CORO7: variants seen among roughly 807,000 people sequenced by gnomAD.
CORO7 encodes coronin-7.
In CORO7, 107 loss-of-function variants were observed where a neutral mutation model predicts 126.6. The observed-to-expected ratio is 0.85, with a 90% CI of 0.72 to 0.99. CORO7 has a LOEUF of 0.99. Ranked by LOEUF, CORO7 falls within the 50% of genes least tolerant of loss-of-function variation. CORO7 has a pLI of 0.00. For missense variants in CORO7, 1,314 were observed against 1,255.8 expected, an observed-to-expected ratio of 1.05 and a Z score of -0.70; for synonymous variants, 603 against 536.8, an observed-to-expected ratio of 1.12 and a Z score of -1.70.
At chr16:4,376,749 T>C (rs1385765175) in intron 9 of CORO7, among the ~76,000 whole-genome samples, 2 of 152,132 alleles carry the variant, frequency 1.3e-5, no homozygotes, top group Non-Finnish European at 2.9e-5. Context: ...TGAAGTCCTG[T>C]GCTGAAGGGG....
At chr16:4,364,495 G>C in intron 13 of CORO7, 82 bp from the exon 14 acceptor site, 1 of 1,489,088 alleles carries the variant, frequency 6.7e-7, no homozygotes, top group Non-Finnish European at 9.0e-7. Context: ...AACTGGGTAG[G>C]GATGGGGGGC....
At chr16:4,402,039 A>T (rs763450119) in intron 6 of CORO7, among the ~76,000 whole-genome samples, 1 of 151,182 alleles carries the variant, frequency 6.6e-6, no homozygotes, top group Non-Finnish European at 1.5e-5. Flanking sequence ...CCCAGGTTCA[A>T]GTTATTCTCT....
At chr16:4,379,423 T>G (rs938388662) in intron 9 of CORO7, among the ~76,000 whole-genome samples, 1 of 152,040 alleles carries the variant, frequency 6.6e-6, no homozygotes, top group African/African-American at 2.4e-5. Context: ...AGCTAAGATC[T>G]GGAGCCTGGA....
intron 8 of CORO7, 70 bp downstream of exon 8, chr16:4,388,475 C>T (rs1029318269): frequency 3.1e-5 from 48 of 1,536,110 alleles, no homozygotes; most frequent in African/African-American, 2.2e-4. Flanking sequence ...CCATTGGTTT[C>T]GTCCCCGCCC....
At chr16:4,398,185 G>A (rs1370188684) in intron 6 of CORO7, among the ~76,000 whole-genome samples, 1 of 152,094 alleles carries the variant, frequency 6.6e-6, no homozygotes, top group Non-Finnish European at 1.5e-5. Context: ...CTCCCAAAGT[G>A]CTGGGATTAC....
intron 23 of CORO7, 72 bp from the exon 24 acceptor site, chr16:4,358,555 G>T: frequency 1.4e-6 from 2 of 1,446,424 alleles, no homozygotes; most frequent in Non-Finnish European, 9.2e-7. Context: ...TCTCCCCAGG[G>T]TGCCGGCACC....
intron 11 of CORO7, 41 bp from the exon 12 acceptor site, chr16:4,364,961 G>C: frequency 6.2e-7 from 1 of 1,606,014 alleles, no homozygotes; most frequent in Non-Finnish European, 8.5e-7. Flanking sequence ...GATGGGCAGG[G>C]GAGGGGAGGG....
At chr16:4,413,028 A>C in intron 2 of CORO7, 10 of 362,610 alleles carry the variant, frequency 2.8e-5, no homozygotes, top group East Asian at 9.5e-5. Context: ...GCACAGAGGG[A>C]CAGCTGGAAA....
chr16:4,405,816 GGCT>G (rs879572436), intron 5 of CORO7, among the ~76,000 whole-genome samples: 3,585 of 152,222 alleles, frequency 0.024, 67 homozygotes, highest in Non-Finnish European at 0.034. Flanking sequence ...CTCCTGGCCT[GGCT>G]CTCTCATCCC....
intron 27 of CORO7, 43 bp from the exon 28 acceptor site, chr16:4,355,206 T>TG: frequency 6.3e-7 from 1 of 1,581,384 alleles, no homozygotes; most frequent in Non-Finnish European, 8.6e-7. Context: ...CAGGAGGGCC[T>TG]GGGAAGGGAG....
chr16:4,362,067 C>G lies in CORO7; in HGVS notation c.1496G>C (p.Gly499Ala). The part of the protein sequence containing the change: ...NLKGLNLTTP[G>A]ESDGFCANKL... ...GTTGGCACAGAAGCCGTCACTCTCACCAGGTGTGGTGAGGTTGAGCCCCTT... is the reference window on the plus strand; with the variant it reads ...GTTGGCACAGAAGCCGTCACTCTCAGCAGGTGTGGTGAGGTTGAGCCCCTT... The change falls in exon 16 of 28, where the codon GGT (glycine) becomes GCT (alanine). Residue 499 changes from glycine to alanine, a missense_variant. Transcript: ENST00000251166. This position sits in a 1 kb window ranked among gnomAD's most constrained non-coding sequence, Gnocchi z 5.3. The G allele has an allele frequency of 6.2e-7, 1 of 1,613,138 alleles. No individual in the cohort carries two copies. The highest frequency in any genetic ancestry group is 8.5e-7 in the Non-Finnish European group (1 of 1,179,962).
chr16:4,369,009 G>C (rs1425004580), intron 9 of CORO7, among the ~76,000 whole-genome samples: 2 of 152,222 alleles, frequency 1.3e-5, no homozygotes, highest in Admixed American at 1.3e-4. Context: ...TGGCATCAGA[G>C]GCTCACCTGT....
At chr16:4,361,524 C>A in intron 16 of CORO7, 55 bp from the exon 17 acceptor site, 1 of 1,584,864 alleles carries the variant, frequency 6.3e-7, no homozygotes, top group Non-Finnish European at 8.6e-7. Context: ...AAAAGCCAGT[C>A]CCCAGGGGCT....
chr16:4,355,468 C>CTT (rs558470140), intron 26 of CORO7, 96 bp from the exon 27 acceptor site: 1,355 of 1,071,364 alleles, frequency 1.3e-3, no homozygotes, highest in Non-Finnish European at 1.5e-3. Flanking sequence ...GTGAAAAGAA[C>CTT]TTTTTTTTTT....
intron 9 of CORO7, 33 bp downstream of exon 9, chr16:4,387,953 C>T (rs1228079607): frequency 1.2e-5 from 19 of 1,609,952 alleles, no homozygotes; most frequent in Admixed American, 3.4e-5. Context: ...GGGTCATCAG[C>T]CCCCCAGCCC....
intron 9 of CORO7, among the ~76,000 whole-genome samples, chr16:4,387,065 C>A (rs550233209): frequency 6.6e-6 from 1 of 152,306 alleles, no homozygotes; most frequent in South Asian, 2.1e-4. Flanking sequence ...TTCTCGGATC[C>A]CCCTGCCTGT....
chr16:4,382,790 C>T (rs760093412), intron 9 of CORO7: 16 of 1,584,942 alleles, frequency 1.0e-5, no homozygotes, highest in Non-Finnish European at 1.3e-5. Context: ...CCGAAGGCAA[C>T]AGAGGGCGGT....
At chr16:4,359,968 AC>A (rs1261469550) in intron 21 of CORO7, among the ~76,000 whole-genome samples, 7 of 51,456 alleles carry the variant, frequency 1.4e-4, no homozygotes, top group Admixed American at 1.3e-3. Context: ...CATCTCCCCT[AC>A]CCCCCTCACC....
At chr16:4,371,807 C>T (rs1158451203) in intron 9 of CORO7, 2 of 152,002 alleles carry the variant, frequency 1.3e-5, no homozygotes, top group Non-Finnish European at 2.9e-5. Flanking sequence ...GGCGGGCCCG[C>T]CCCCCGGGAC....
Sources: gnomAD v4.1 joint callset for allele counts (sites outside exome capture counted in the v4.1 genomes callset) on GRCh38, gnomAD v4.1.1 for gene constraint, Gnocchi (gnomAD v3.1) non-coding constraint, MANE v1.5 for transcripts, NCBI Gene and HGNC (gene_info 2026-07-23, HGNC 2026-07-21) for gene names.